Variants in VWDE observed in about 807,000 individuals in gnomAD.
VWDE encodes the protein von Willebrand factor D and EGF domains.
VWDE carries 207 observed loss-of-function variants against 178.4 expected under a neutral mutation model. The ratio of observed to expected loss-of-function variants is 1.16; its 90% confidence interval spans 1.04 to 1.30. The LOEUF is 1.30. VWDE is among the 50% of genes most tolerant of loss of function. The pLI is 0.00. For synonymous variants in VWDE, 738 were observed against 651.4 expected (o/e 1.13, Z -2.02); for missense variants, 2,287 against 1,901.3 (o/e 1.20, Z -3.77).
intron 26 of VWDE, among the ~76,000 whole-genome samples, chr7:12,336,785 C>T (rs971051237): frequency 4.6e-5 from 7 of 152,116 alleles, no homozygotes; most frequent in Admixed American, 4.6e-4. Context: ...ACAAGATATC[C>T]TCTTCTGCTA....
intron 4 of VWDE, among the ~76,000 whole-genome samples, chr7:12,381,286 C>T (rs1203591306): frequency 6.6e-6 from 1 of 152,096 alleles, no homozygotes; most frequent in Non-Finnish European, 1.5e-5. Flanking sequence ...CCTCTAAGAA[C>T]TCACAGGAAA....
At chr7:12,400,680 C>T (rs542803753) in intron 1 of VWDE, among the ~76,000 whole-genome samples, 1 of 149,266 alleles carries the variant, frequency 6.7e-6, no homozygotes, top group Admixed American at 6.6e-5. Flanking sequence ...GAAGATGGAA[C>T]ACTTTCCACC....
intron 18 of VWDE, among the ~76,000 whole-genome samples, chr7:12,352,786 C>T (rs148897737): frequency 6.6e-6 from 1 of 152,276 alleles, no homozygotes; most frequent in East Asian, 1.9e-4. Flanking sequence ...AAAAGGGTCC[C>T]ATTCACTTAA....
chr7:12,338,185 A>G (rs1264469295), intron 24 of VWDE, among the ~76,000 whole-genome samples: 2 of 152,050 alleles, frequency 1.3e-5, no homozygotes, highest in Non-Finnish European at 2.9e-5. Flanking sequence ...TGGATTTTAA[A>G]TGGAAATAAT....
rs1583278930 is a variant in VWDE, at chr7:12,343,252, C to T, written c.4079-74G>A. ...TCAGTTTATATTTATAAAGCACTGT[C>T]ACAATAAAATCTTGTTGTAAGAGTA... On this transcript the variant is annotated intron_variant, in intron 21 of 28. Transcript: ENST00000275358. 4.6e-6 allele frequency: 5 copies of T among 1,080,906 alleles called. No homozygotes were observed. In the Admixed American group the frequency reaches 9.0e-5, roughly 19 times the overall value. The allele number at this position is 1,080,906 out of a possible 1,614,324, so 67.0% of individuals were successfully genotyped here. A position where few individuals can be genotyped will look rare whatever the true frequency, so the allele number is the denominator to read the frequency against.
Position 12,331,060 on chromosome 7 carries a change from C to G in VWDE, c.*123G>C, listed in dbSNP as rs1583260300. On this transcript the variant is annotated 3_prime_UTR_variant, in exon 29 of 29. Coordinates refer to ENST00000275358, the MANE Select transcript of VWDE (RefSeq NM_001135924.3). ...AGATCATTATGTATTTTATTAGTTT[C>G]TTCAGTCTTTAAGATATTTTTTGAA... is the stretch of plus-strand genomic sequence containing the variant. 11 of 690,914 alleles carry G rather than the reference C, an allele frequency of 1.6e-5. No homozygotes were observed. In the East Asian group the frequency reaches 3.2e-4, roughly 20 times the overall value. The allele number at this position is 690,914 out of a possible 1,614,324, so 42.8% of individuals were successfully genotyped here.
chr7:12,332,689 T>C (rs983079840), intron 28 of VWDE, among the ~76,000 whole-genome samples: 6 of 152,292 alleles, frequency 3.9e-5, no homozygotes, highest in African/African-American at 1.4e-4. Context: ...ATAGCCCTAT[T>C]ATGATCTGGT....
chr7:12,401,397 A>G (rs1396043307), intron 1 of VWDE, among the ~76,000 whole-genome samples: 1 of 152,174 alleles, frequency 6.6e-6, no homozygotes, highest in East Asian at 1.9e-4. Flanking sequence ...TGCAAATCAC[A>G]TATCCAATAA....
In VWDE at chr7:12,393,109, C is replaced by T. The variant is rs192307798; in HGVS notation, c.243+485G>A. ...GTCTTAGAATAGGAGGTGCTGAGCC[C>T]GTAAGTTTTACTCCATCAGTTAAGA... On this transcript the variant is annotated intron_variant, in intron 2 of 28. Transcript: ENST00000275358. 4.3e-4 allele frequency among the ~76,000 whole-genome samples: 65 copies of T among 152,128 alleles called. 1 individual carries two copies. The highest frequency in any genetic ancestry group is 6.2e-4 in the South Asian group (3 of 4,814).
At chr7:12,347,319 A>G (rs10215270) in intron 19 of VWDE, among the ~76,000 whole-genome samples, 13,732 of 152,202 alleles carry the variant, frequency 0.09, 1,391 homozygotes, top group African/African-American at 0.24. Flanking sequence ...AAAAATTACC[A>G]TTAAAGAAAG....
In VWDE at chr7:12,343,100, C is replaced by A; in HGVS notation, c.4157G>T (p.Gly1386Val). 6.5e-7 allele frequency: 1 copy of A among 1,549,378 alleles called. No individual in the cohort carries two copies. Among genetic ancestry groups the A allele is most frequent in the South Asian group, 1.2e-5 (1 of 83,888 alleles). ...NLCTCPYGFVGPRCETMVCNR... is the reference protein window; with the variant it reads ...NLCTCPYGFVVPRCETMVCNR... ...TTGCTTACTTGTTTCACACCTTGGT[C>A]CTACAAAACCATAAGGACAAGTGCA... The change falls in exon 22 of 29, where the codon GGA becomes GTA. Residue 1386 changes from glycine (G) to valine (V), a missense_variant. Physicochemically the swap from Gly to Val is moderately radical, Grantham distance 109. Coordinates refer to ENST00000275358, the MANE Select transcript of VWDE (RefSeq NM_001135924.3).
chr7:12,383,757 T>A (rs918604103), intron 3 of VWDE, among the ~76,000 whole-genome samples, 156 bp from the exon 4 acceptor site: 10 of 152,124 alleles, frequency 6.6e-5, no homozygotes, highest in African/African-American at 2.2e-4. Context: ...CTTTTAAGGG[T>A]GAGATCAAAT....
intron 27 of VWDE, among the ~76,000 whole-genome samples, chr7:12,335,292 CA>C (rs1281079091): frequency 3.3e-5 from 5 of 152,066 alleles, no homozygotes; most frequent in East Asian, 3.9e-4. Flanking sequence ...CAAGTTTCCA[CA>C]AAAAATTTCA....
At chr7:12,387,604 T>G (rs848020) in intron 3 of VWDE, among the ~76,000 whole-genome samples, 75,724 of 151,732 alleles carry the variant, frequency 0.5, 19,776 homozygotes, top group African/African-American at 0.65. Flanking sequence ...AATATATTGG[T>G]TTATTAAAAC....
chr7:12,389,020 A>C lies in VWDE; in HGVS notation c.475+107T>G, dbSNP rs113538505. 325 of 844,178 alleles carry C rather than the reference A, an allele frequency of 3.8e-4. 2 individuals carry two copies. The African/African-American group carries it at 4.7e-3, about 12-fold the overall frequency. 52.3% of individuals were successfully genotyped at this position (844,178 alleles called of 1,614,324 possible). A position where few individuals can be genotyped will look rare whatever the true frequency, so the allele number is the denominator to read the frequency against. ...TCAATCTAGCAATAATGGTAGACTG[A>C]GTATCTTACTGAGATTTGCACTAAC... On this transcript the variant is annotated intron_variant, in intron 3 of 28. Transcript: ENST00000275358.
At chr7:12,385,210 G>A (rs749930848) in intron 3 of VWDE, among the ~76,000 whole-genome samples, 1 of 152,072 alleles carries the variant, frequency 6.6e-6, no homozygotes, top group African/African-American at 2.4e-5. Flanking sequence ...ACGTCTTCAT[G>A]AGACTATGAT....
chr7:12,354,873 TTAGTC>T (rs1464419706), intron 18 of VWDE, among the ~76,000 whole-genome samples: 1 of 152,188 alleles, frequency 6.6e-6, no homozygotes, highest in Non-Finnish European at 1.5e-5. Context: ...GACAAATTGT[TTAGTC>T]TAGTTATAAA....
At chr7:12,337,571 G>C (rs74769585) in intron 24 of VWDE, among the ~76,000 whole-genome samples, 1 of 152,068 alleles carries the variant, frequency 6.6e-6, no homozygotes, top group Non-Finnish European at 1.5e-5. Context: ...ATAAAGCATG[G>C]AATGATCTAG....
In VWDE at chr7:12,374,711, G is replaced by A; in HGVS notation, c.1294C>T (p.His432Tyr). The A allele has an allele frequency of 6.5e-7, 1 of 1,538,764 alleles. No individual in the cohort carries two copies. The highest frequency in any genetic ancestry group is 8.8e-7 in the Non-Finnish European group (1 of 1,142,372). The change falls in exon 9 of 29, where the codon CAT becomes TAT. Residue 432 changes from histidine (H) to tyrosine (Y), a missense_variant. Coordinates refer to ENST00000275358, the MANE Select transcript of VWDE (RefSeq NM_001135924.3). ...TAYCYTFTDP[H>Y]IITFDGRVYD... ...TACCTGCCATCAAATGTAATTATATGTGGGTCAGTAAATGTATAGCAGTAA... is the reference window on the plus strand; with the variant it reads ...TACCTGCCATCAAATGTAATTATATATGGGTCAGTAAATGTATAGCAGTAA...
Sources: gnomAD v4.1 joint callset for allele counts (sites outside exome capture counted in the v4.1 genomes callset) on GRCh38, gnomAD v4.1.1 for gene constraint, MANE v1.5 for transcripts, NCBI Gene and HGNC (gene_info 2026-07-23, HGNC 2026-07-21) for gene names.